Variants in RBFOX1 observed in about 807,000 individuals in gnomAD.
RBFOX1 encodes RNA binding protein fox-1 homolog 1.
Under a neutral mutation model 57.7 loss-of-function variants are expected in RBFOX1, and 8 were observed. The ratio of observed to expected loss-of-function variants is 0.14; its 90% CI spans 0.08 to 0.25. The LOEUF is 0.25. RBFOX1 is among the 10% of genes least tolerant of loss of function. The pLI is 1.00. For missense variants in RBFOX1, 611 were observed against 548.5 expected, an observed-to-expected ratio of 1.11 and a Z score of -1.14; for synonymous variants, 326 against 222.4, an observed-to-expected ratio of 1.47 and a Z score of -4.15.
chr16:5,737,563 T>G lies in RBFOX1; in HGVS notation c.319-129740T>G, dbSNP rs1052112275. ...TTTTTGCCTGTCCATGTACTACAAT[T>G]TTCTGCCTTATCCTGCTGCTATGTG... On this transcript the variant is annotated intron_variant, in intron 3 of 19. Transcript: ENST00000641259. 1.1e-4 allele frequency among the ~76,000 whole-genome samples: 16 copies of G among 152,060 alleles called. No individual in the cohort carries two copies. The East Asian group carries it at 3.1e-3, about 29-fold the overall frequency.
chr16:6,663,792 T>G (rs2098715583), intron 3 of RBFOX1, among the ~76,000 whole-genome samples: 1 of 152,128 alleles, frequency 6.6e-6, no homozygotes. Flanking sequence ...TATTTAAGTT[T>G]GAGTCTGAAG....
At chr16:6,403,978 C>T (rs1434483765) in intron 2 of RBFOX1, among the ~76,000 whole-genome samples, 1 of 152,090 alleles carries the variant, frequency 6.6e-6, no homozygotes, top group Non-Finnish European at 1.5e-5. Context: ...TCACCAGAAT[C>T]CAACCATGCT....
At chr16:6,966,117 C>T (rs1355826815) in intron 3 of RBFOX1, among the ~76,000 whole-genome samples, 1 of 152,028 alleles carries the variant, frequency 6.6e-6, no homozygotes, top group Non-Finnish European at 1.5e-5. Context: ...GACTGGGGGC[C>T]TAAAAAGCAC....
At chr16:5,240,100 A>G (rs1435791803) in exon 1 of RBFOX1, 17 of 1,524,254 alleles carry the variant, frequency 1.1e-5, no homozygotes, top group Non-Finnish European at 1.5e-5. Flanking sequence ...TGGCGACGGC[A>G]GAGGAGTAAG....
At chr16:6,049,425 T>G (rs1366404143) in intron 1 of RBFOX1, among the ~76,000 whole-genome samples, 1 of 152,220 alleles carries the variant, frequency 6.6e-6, no homozygotes, top group Non-Finnish European at 1.5e-5. Context: ...ATTAAATAAT[T>G]ATCAAGGTAT....
intron 3 of RBFOX1, among the ~76,000 whole-genome samples, chr16:5,730,345 A>G (rs918387090): frequency 6.6e-6 from 1 of 151,992 alleles, no homozygotes; most frequent in Non-Finnish European, 1.5e-5. Context: ...AGAGGAGCAT[A>G]TAGATGGAGA....
chr16:6,601,026 A>G (rs1488598936), intron 2 of RBFOX1, among the ~76,000 whole-genome samples: 1 of 152,174 alleles, frequency 6.6e-6, no homozygotes, highest in Non-Finnish European at 1.5e-5. Context: ...TAGAAGGTAG[A>G]GGAATGAAAG....
At chr16:6,040,549 A>ATTCT (rs140819240) in intron 1 of RBFOX1, among the ~76,000 whole-genome samples, 10,512 of 151,240 alleles carry the variant, frequency 0.07, 633 homozygotes, top group East Asian at 0.35. Flanking sequence ...TGAATTAATC[A>ATTCT]TTCTTTCTTT....
chr16:7,065,030 C>A (rs569698728), intron 4 of RBFOX1, among the ~76,000 whole-genome samples: 3 of 152,208 alleles, frequency 2.0e-5, no homozygotes, highest in African/African-American at 7.2e-5. Context: ...CTCTATTGTT[C>A]GATATGGATG....
intron 5 of RBFOX1, among the ~76,000 whole-genome samples, chr16:7,555,719 C>G (rs536721881): frequency 5.3e-5 from 8 of 152,122 alleles, no homozygotes; most frequent in Non-Finnish European, 1.0e-4. Flanking sequence ...TGGGACTGGG[C>G]TATTATTGCC....
chr16:7,359,925 A>G (rs2097288934), intron 4 of RBFOX1, among the ~76,000 whole-genome samples: 1 of 148,076 alleles, frequency 6.8e-6, no homozygotes, highest in African/African-American at 2.4e-5. Context: ...CGGAGCTTGC[A>G]GTGAGCCGAG....
chr16:6,774,807 A>G (rs1034593486), intron 3 of RBFOX1, among the ~76,000 whole-genome samples: 2 of 152,016 alleles, frequency 1.3e-5, no homozygotes, highest in African/African-American at 4.8e-5. Context: ...GCTTTCCAAT[A>G]TAGTAGCCAT....
intron 4 of RBFOX1, among the ~76,000 whole-genome samples, chr16:7,147,867 T>G (rs950044692): frequency 3.9e-5 from 6 of 152,224 alleles, no homozygotes; most frequent in African/African-American, 1.4e-4. Flanking sequence ...ATGGTAGTTC[T>G]GTTTAAGCCC....
In RBFOX1 at chr16:7,671,696, C is replaced by G. The variant is rs148348705; in HGVS notation, c.931-5078C>G. ...GATAATTCTGGGGAGGGGAACAGTT[C>G]TCTAACATAGGAGGAAAGACTTAAC... On this transcript the variant is annotated intron_variant, in intron 13 of 15. Transcript: ENST00000550418. The G allele has an allele frequency of 9.2e-4, 1,042 of 1,128,842 alleles. 7 individuals carry two copies. In the African/African-American group the frequency reaches 0.014, roughly 16 times the overall value. The allele number at this position is 1,128,842 out of a possible 1,614,324, so 69.9% of individuals were successfully genotyped here. A position where few individuals can be genotyped will look rare whatever the true frequency, so the allele number is the denominator to read the frequency against.
chr16:5,552,125 C>T (rs898096057), intron 2 of RBFOX1, among the ~76,000 whole-genome samples: 1 of 152,142 alleles, frequency 6.6e-6, no homozygotes, highest in African/African-American at 2.4e-5. Context: ...GTAGTCAGCC[C>T]AGTCTGGTAC....
chr16:5,675,203 C>T (rs2050128446), intron 3 of RBFOX1, among the ~76,000 whole-genome samples: 1 of 151,936 alleles, frequency 6.6e-6, no homozygotes, highest in Non-Finnish European at 1.5e-5. Flanking sequence ...TCCACATGCA[C>T]ATGCATGTAC....
intron 12 of RBFOX1, 105 bp downstream of exon 12, chr16:7,654,052 ACCCCCAGAACCG>A: frequency 1.7e-6 from 2 of 1,201,902 alleles, no homozygotes; most frequent in Non-Finnish European, 2.2e-6. Context: ...CCCCTCCGCC[ACCCCCAGAACCG>A]CCCCCAGCAT....
intron 3 of RBFOX1, among the ~76,000 whole-genome samples, chr16:7,017,704 A>G (rs1422541363): frequency 6.6e-6 from 1 of 152,150 alleles, no homozygotes; most frequent in African/African-American, 2.4e-5. Flanking sequence ...CTAGATGTTC[A>G]ATAGCTTTTC....
chr16:5,838,072 C>A (rs558289669), intron 3 of RBFOX1: 1 of 152,768 alleles, frequency 6.5e-6, no homozygotes, highest in Non-Finnish European at 1.5e-5. Flanking sequence ...AAACATAATT[C>A]TCTTTACTAC....
Sources: allele counts gnomAD v4.1 joint callset (sites outside exome capture counted in the v4.1 genomes callset), GRCh38; gene constraint gnomAD v4.1.1; transcripts MANE v1.5; gene names NCBI Gene and HGNC (gene_info 2026-07-23, HGNC 2026-07-21).